The following BTBD7 variants were observed in gnomAD, a reference collection of about 807,000 sequenced individuals.
BTBD7 encodes BTB/POZ domain-containing protein 7.
Under a neutral mutation model 99.9 loss-of-function variants are expected in BTBD7, and 38 were observed. That is an observed-to-expected ratio of 0.38 (90% CI 0.29 to 0.50). BTBD7 has a LOEUF of 0.50. Among genes scored for constraint, BTBD7 ranks in the 20% least tolerant of loss-of-function variants. The probability of loss-of-function intolerance (pLI) is 0.93; values close to 1 mark genes in which losing one functional copy is unlikely to be tolerated. For missense variants in BTBD7, 1,170 were observed against 1,394.6 expected (o/e 0.84, Z 2.57); for synonymous variants, 520 against 511.4 (o/e 1.02, Z -0.23).
chr14:93,259,824 C>G (rs1284472117), intron 5 of BTBD7, among the ~76,000 whole-genome samples: 1 of 152,100 alleles, frequency 6.6e-6, no homozygotes, highest in African/African-American at 2.4e-5. Flanking sequence ...ATCCCAGCTA[C>G]TCGGGAAGCT....
In BTBD7 at chr14:93,257,267, G is replaced by C. The variant is rs569994153; in HGVS notation, c.1536C>G (p.Ile512Met). ...GCACAAAAGGTAAGAGAGAAGAAAG[G>C]ATCTCTCTGAGCTCTTCCATGTCCA... is the stretch of plus-strand genomic sequence containing the variant. ...RDLDMEELREILSSLLPFVRI... is the reference protein window; with the variant it reads ...RDLDMEELREMLSSLLPFVRI... The change falls in exon 6 of 11, where the codon ATC becomes ATG. Residue 512 changes from isoleucine to methionine, a missense_variant. Transcript: ENST00000334746. 1.2e-6 allele frequency: 2 copies of C among 1,613,944 alleles called. No homozygotes were observed. The highest frequency in any genetic ancestry group is 2.2e-5 in the East Asian group (1 of 44,862).
chr14:93,259,843 A>T lies in BTBD7; in HGVS notation c.1447+1759T>A, dbSNP rs139656808. On this transcript the variant is annotated intron_variant, in intron 5 of 10. Coordinates refer to ENST00000334746, the MANE Select transcript of BTBD7 (RefSeq NM_001002860.4). ...CAGCTACTCGGGAAGCTGAGGCAGG[A>T]GAATAGCTTGAACCCGGGAGGCAGA... Among the ~76,000 whole-genome samples, 821 of 152,286 alleles carry T rather than the reference A, an allele frequency of 5.4e-3. 12 individuals are homozygous for T. Among genetic ancestry groups the T allele is most frequent in the Middle Eastern group, 0.051 (15 of 294 alleles).
rs2052232305 is a variant in BTBD7 at position 93,241,708 on chromosome 14, A to G, written c.*565T>C. ...TTAAAAAAAAAATGACATTAGATTT[A>G]TGGAGGCTGAGCGGGAAGATCTCTG... is the stretch of plus-strand genomic sequence containing the variant. On this transcript the variant is annotated 3_prime_UTR_variant, in exon 11 of 11. Transcript: ENST00000334746. 1.3e-5 allele frequency: 2 copies of G among 153,166 alleles called. No homozygotes were observed. The highest frequency in any genetic ancestry group is 4.8e-5 in the African/African-American group (2 of 41,452). 9.5% of individuals were successfully genotyped at this position (153,166 alleles called of 1,614,324 possible). A position where few individuals can be genotyped will look rare whatever the true frequency, so the allele number is the denominator to read the frequency against.
In BTBD7 at chr14:93,239,159, G is replaced by A. The variant is rs1426784877; in HGVS notation, c.*3114C>T. 2.0e-5 allele frequency: 3 copies of A among 152,416 alleles called. No homozygotes were observed. Among genetic ancestry groups the A allele is most frequent in the Non-Finnish European group, 4.4e-5 (3 of 68,038 alleles). The allele number at this position is 152,416 out of a possible 1,614,324, so 9.4% of individuals were successfully genotyped here. ...TGTTTTTTCCTTAGGAGCCACGGGT[G>A]ACTCTGAACTTCAATTATTCATCAA... On this transcript the variant is annotated 3_prime_UTR_variant, in exon 11 of 11. Coordinates refer to ENST00000334746, the MANE Select transcript of BTBD7 (RefSeq NM_001002860.4).
chr14:93,300,752 GTGTGTGTGTGTGTGTGTGTGTA>G lies in BTBD7; in HGVS notation c.-106-4617_-106-4596del, dbSNP rs1330227531. ...TGTGTGTGTGTGTGTGTGTGTGTGT[GTGTGTGTGTGTGTGTGTGTGTA>G]TATATATATATATTTTTTTTTTGTA... is the stretch of plus-strand genomic sequence containing the variant. On this transcript the variant is annotated intron_variant, in intron 1 of 10. Transcript: ENST00000334746. 7.5e-3 allele frequency among the ~76,000 whole-genome samples: 558 copies of G among 74,204 alleles called. 44 individuals carry two copies. Among genetic ancestry groups the G allele is most frequent in the African/African-American group, 0.022 (256 of 11,754 alleles). 48.7% of individuals were successfully genotyped at this position (74,204 alleles called of 152,430 possible).
intron 3 of BTBD7, among the ~76,000 whole-genome samples, chr14:93,267,480 G>A (rs2052555149): frequency 6.6e-6 from 1 of 152,196 alleles, no homozygotes; most frequent in Non-Finnish European, 1.5e-5. Context: ...CCTAAGCCGA[G>A]TACCATGAAT....
intron 3 of BTBD7, among the ~76,000 whole-genome samples, chr14:93,284,645 G>A (rs190694812): frequency 2.1e-3 from 319 of 152,092 alleles, no homozygotes; most frequent in African/African-American, 7.4e-3. Context: ...GAAATGAGAC[G>A]GGTACCTAGG....
At chr14:93,287,622 A>G (rs950845533) in intron 3 of BTBD7, 1 of 152,176 alleles carries the variant, frequency 6.6e-6, no homozygotes, top group African/African-American at 2.4e-5. Flanking sequence ...CACAAGAGCC[A>G]TAAAATTGCT....
chr14:93,326,650 A>T (rs1313894004), intron 1 of BTBD7, among the ~76,000 whole-genome samples: 2 of 152,032 alleles, frequency 1.3e-5, no homozygotes, highest in Non-Finnish European at 2.9e-5. Flanking sequence ...AAAAATACAA[A>T]AATCAGCCAG....
At chr14:93,330,158 G>T (rs988481572) in intron 1 of BTBD7, among the ~76,000 whole-genome samples, 1 of 152,072 alleles carries the variant, frequency 6.6e-6, no homozygotes, top group Admixed American at 6.6e-5. Flanking sequence ...ATTAATCCCT[G>T]GCCTCCAAAC....
At chr14:93,247,124 T>C (rs2052320892) in intron 9 of BTBD7, among the ~76,000 whole-genome samples, 1 of 151,660 alleles carries the variant, frequency 6.6e-6, no homozygotes, top group African/African-American at 2.4e-5. Flanking sequence ...CCTTCTGGGC[T>C]CAAGTGATCT....
chr14:93,250,548 T>G (rs1415723863), intron 8 of BTBD7, among the ~76,000 whole-genome samples: 1 of 152,268 alleles, frequency 6.6e-6, no homozygotes, highest in Admixed American at 6.5e-5. Context: ...TTTATTCATC[T>G]TTAATTACAG....
chr14:93,310,185 ATAT>A (rs2053121570), intron 1 of BTBD7, among the ~76,000 whole-genome samples: 1 of 152,234 alleles, frequency 6.6e-6, no homozygotes, highest in African/African-American at 2.4e-5. Context: ...CTCAGATAGC[ATAT>A]TATTTCAACC....
At position 93,246,059 on chromosome 14, in the gene BTBD7, T is replaced by A; in HGVS notation, c.2349A>T (p.Arg783Ser). The change falls in exon 10 of 11, where the codon AGA (arginine) becomes AGT (serine). Residue 783 changes from arginine to serine, a missense_variant. Physicochemically the swap from Arg to Ser is moderately radical, Grantham distance 110. Around this residue, in one of 4 missense-constraint regions of BTBD7, gnomAD observed 495 missense variants for 525.9 expected, o/e 0.94. Coordinates refer to ENST00000334746, the MANE Select transcript of BTBD7 (RefSeq NM_001002860.4). Reference protein sequence around the residue: ...HNQLKAGWKQRPPSQHPSRSF... With the variant: ...HNQLKAGWKQSPPSQHPSRSF... ...AACGTGAAGGGTGCTGACTGGGAGG[T>A]CTTTGCTTCCAGCCTGCTTTGAGTT... The A allele has an allele frequency of 6.2e-7, 1 of 1,606,444 alleles. No individual in the cohort carries two copies. Among genetic ancestry groups the A allele is most frequent in the Non-Finnish European group, 8.5e-7 (1 of 1,179,292 alleles).
At chr14:93,322,794 C>G (rs2053284928) in intron 1 of BTBD7, among the ~76,000 whole-genome samples, 1 of 152,284 alleles carries the variant, frequency 6.6e-6, no homozygotes, top group African/African-American at 2.4e-5. Flanking sequence ...TAAAGGTATA[C>G]TCTATTCCTC....
chr14:93,273,800 C>A (rs548947231), intron 3 of BTBD7, among the ~76,000 whole-genome samples: 1 of 152,202 alleles, frequency 6.6e-6, no homozygotes, highest in Non-Finnish European at 1.5e-5. Flanking sequence ...CCAGCACAGT[C>A]TGATTGGGAA....
intron 1 of BTBD7, among the ~76,000 whole-genome samples, chr14:93,329,810 G>A (rs533610475): frequency 2.6e-5 from 4 of 152,244 alleles, no homozygotes; most frequent in South Asian, 2.1e-4. Flanking sequence ...GGACAGTTTC[G>A]GTTTAGAAAT....
chr14:93,305,160 A>C (rs914086237), intron 1 of BTBD7, among the ~76,000 whole-genome samples: 4 of 152,238 alleles, frequency 2.6e-5, no homozygotes, highest in African/African-American at 9.6e-5. Context: ...AGTCTAAATA[A>C]ATATGAGGGT....
chr14:93,329,388 T>C (rs2053372036), intron 1 of BTBD7, among the ~76,000 whole-genome samples: 1 of 151,828 alleles, frequency 6.6e-6, no homozygotes, highest in Non-Finnish European at 1.5e-5. Context: ...CAAGTATTGG[T>C]GAAGATGTAG....
Sources: gnomAD v4.1 joint callset for allele counts (sites outside exome capture counted in the v4.1 genomes callset) on GRCh38, gnomAD v4.1.1 for gene constraint, gnomAD v4.1.1 regional missense constraint, MANE v1.5 for transcripts, NCBI Gene and HGNC (gene_info 2026-07-23, HGNC 2026-07-21) for gene names.